ADGRL3: variants seen among roughly 807,000 people sequenced by gnomAD.
The protein encoded by ADGRL3 is calcium-independent alpha-latrotoxin receptor 3.
In ADGRL3, 62 loss-of-function variants were observed where a neutral mutation model predicts 153.5. The observed-to-expected ratio is 0.40, with a 90% CI of 0.33 to 0.50. The LOEUF is 0.50. Ranked by LOEUF, ADGRL3 falls within the 20% of genes least tolerant of loss-of-function variation. The pLI, the probability that ADGRL3 is intolerant of heterozygous loss-of-function variation, is 0.47. For synonymous variants in ADGRL3, 710 were observed against 672.5 expected (o/e 1.06, Z -0.86); for missense variants, 1,641 against 1,859.4 (o/e 0.88, Z 2.16).
intron 5 of ADGRL3, among the ~76,000 whole-genome samples, chr4:61,634,582 G>A (rs1160457661): frequency 6.6e-6 from 1 of 151,964 alleles, no homozygotes; most frequent in Admixed American, 6.6e-5. Flanking sequence ...GCAAGCCCTA[G>A]AACATCAAAA....
Position 61,895,323 on chromosome 4 carries a change from G to A in ADGRL3, c.1784-408G>A, listed in dbSNP as rs923087033. On this transcript the variant is annotated intron_variant, in intron 10 of 26. Coordinates refer to ENST00000683033, the MANE Select transcript of ADGRL3 (RefSeq NM_001387552.1). ...TCTACTAAAAATACACAAATTAGCCGGGTGTGGTGGGGGATGCCTGTAGTC... is the reference window on the plus strand; with the variant it reads ...TCTACTAAAAATACACAAATTAGCCAGGTGTGGTGGGGGATGCCTGTAGTC... Among the ~76,000 whole-genome samples the A allele has an allele frequency of 3.9e-5, 6 of 152,148 alleles. No individual in the cohort carries two copies. The South Asian group carries it at 8.3e-4, about 21-fold the overall frequency.
At chr4:61,237,098 A>G (rs528435740) in intron 1 of ADGRL3, among the ~76,000 whole-genome samples, 1 of 152,122 alleles carries the variant, frequency 6.6e-6, no homozygotes, top group South Asian at 2.1e-4. Flanking sequence ...TTGCAGCAAG[A>G]GTTCACTTAA....
At chr4:61,831,616 T>G (rs545917133) in intron 9 of ADGRL3, among the ~76,000 whole-genome samples, 3 of 152,144 alleles carry the variant, frequency 2.0e-5, no homozygotes, top group African/African-American at 7.2e-5. Context: ...CAGTGGACAC[T>G]AGTCGTCAAT....
chr4:61,446,789 A>G (rs1309448528), intron 2 of ADGRL3, among the ~76,000 whole-genome samples: 1 of 152,178 alleles, frequency 6.6e-6, no homozygotes, highest in Non-Finnish European at 1.5e-5. Flanking sequence ...CATTCCTAGT[A>G]GGTGTTTAAA....
At chr4:61,883,269 C>G (rs908784275) in intron 9 of ADGRL3, among the ~76,000 whole-genome samples, 2 of 152,128 alleles carry the variant, frequency 1.3e-5, no homozygotes, top group Admixed American at 1.3e-4. Flanking sequence ...GTCTGTCTCT[C>G]CTACTAATGT....
intron 9 of ADGRL3, among the ~76,000 whole-genome samples, chr4:61,853,339 G>A (rs1287195733): frequency 6.6e-6 from 1 of 152,196 alleles, no homozygotes; most frequent in Non-Finnish European, 1.5e-5. Context: ...AACCAAGGCT[G>A]AAGAACAAAT....
At chr4:61,701,430 A>ATTTTTTTTTT (rs71664995) in intron 6 of ADGRL3, among the ~76,000 whole-genome samples, 2 of 105,418 alleles carry the variant, frequency 1.9e-5, no homozygotes, top group Non-Finnish European at 3.5e-5. Flanking sequence ...TAAAGGTACA[A>ATTTTTTTTTT]TTTTTTTTTT....
chr4:61,995,426 C>T (rs2151028057), intron 19 of ADGRL3, among the ~76,000 whole-genome samples: 1 of 152,032 alleles, frequency 6.6e-6, no homozygotes, highest in East Asian at 1.9e-4. Context: ...TTAGGATTTC[C>T]ATGTTTATAT....
chr4:61,359,953 G>A (rs1345022937), intron 1 of ADGRL3, among the ~76,000 whole-genome samples: 2 of 136,360 alleles, frequency 1.5e-5, no homozygotes, highest in African/African-American at 2.8e-5. Context: ...TATATATAGT[G>A]GTATGTATAG....
intron 1 of ADGRL3, among the ~76,000 whole-genome samples, chr4:61,278,184 A>C (rs1047178045): frequency 6.6e-6 from 1 of 152,090 alleles, no homozygotes; most frequent in Admixed American, 6.6e-5. Context: ...TTGGCTGCCT[A>C]TAGTTATGTC....
chr4:61,578,021 A>G (rs1162556131), intron 4 of ADGRL3, among the ~76,000 whole-genome samples: 1 of 152,104 alleles, frequency 6.6e-6, no homozygotes, highest in Non-Finnish European at 1.5e-5. Flanking sequence ...AAGCACAATA[A>G]GTTGAATAGA....
At chr4:62,012,230 A>C (rs2099189889) in intron 21 of ADGRL3, among the ~76,000 whole-genome samples, 1 of 152,166 alleles carries the variant, frequency 6.6e-6, no homozygotes, top group Admixed American at 6.5e-5. Context: ...CATACTCAAA[A>C]CGTAGTCATA....
chr4:61,743,375 CAT>C (rs1307505907), intron 8 of ADGRL3, among the ~76,000 whole-genome samples: 1 of 135,548 alleles, frequency 7.4e-6, no homozygotes, highest in Non-Finnish European at 1.6e-5. Flanking sequence ...TGCCAAAAAA[CAT>C]ACAGGAGTAA....
At chr4:61,705,302 T>G (rs1273035103) in intron 6 of ADGRL3, among the ~76,000 whole-genome samples, 1 of 151,994 alleles carries the variant, frequency 6.6e-6, no homozygotes, top group Non-Finnish European at 1.5e-5. Context: ...CATTAATGTT[T>G]TTGTACATTT....
chr4:61,797,987 G>T (rs1389967680), intron 8 of ADGRL3, among the ~76,000 whole-genome samples: 1 of 152,156 alleles, frequency 6.6e-6, no homozygotes, highest in South Asian at 2.1e-4. Context: ...ATATGAAAAG[G>T]CATAGCCTTC....
chr4:61,613,796 A>G (rs1009409094), intron 5 of ADGRL3, among the ~76,000 whole-genome samples: 1 of 152,178 alleles, frequency 6.6e-6, no homozygotes, highest in African/African-American at 2.4e-5. Flanking sequence ...CATTAGTATG[A>G]TGTTAAACAA....
At chr4:61,268,371 T>C (rs1488683825) in intron 1 of ADGRL3, among the ~76,000 whole-genome samples, 2 of 151,654 alleles carry the variant, frequency 1.3e-5, no homozygotes, top group East Asian at 3.9e-4. Context: ...AGATGCAAAA[T>C]GCAAAATTTA....
rs2092671323 is a variant in ADGRL3, at chr4:61,623,725, G to A, written c.473+36285G>A. 3.9e-5 allele frequency among the ~76,000 whole-genome samples: 6 copies of A among 152,184 alleles called. No homozygotes were observed. The South Asian group carries it at 1.2e-3, about 32-fold the overall frequency. On this transcript the variant is annotated intron_variant, in intron 5 of 26. Coordinates refer to ENST00000683033, the MANE Select transcript of ADGRL3 (RefSeq NM_001387552.1). ...CTATAGGGAGTCTCTACTGAGGAAG[G>A]CAAACATTCAGATAATAACCCTAAG...
rs111478613 is a variant in ADGRL3, at chr4:61,628,249, T to C, written c.473+40809T>C. On this transcript the variant is annotated intron_variant, in intron 5 of 26. Coordinates refer to ENST00000683033, the MANE Select transcript of ADGRL3 (RefSeq NM_001387552.1). Reference sequence around the variant, plus strand: ...AACTTGGCCAAAAATTACACATCTATGAAGTGGTGAAGTCTGGAGACAAAT... The same window carrying C: ...AACTTGGCCAAAAATTACACATCTACGAAGTGGTGAAGTCTGGAGACAAAT... Among the ~76,000 whole-genome samples the C allele has an allele frequency of 3.3e-4, 50 of 152,238 alleles. 2 individuals are homozygous for C. Among genetic ancestry groups the C allele is most frequent in the African/African-American group, 1.2e-3 (49 of 41,546 alleles).
Sources: gnomAD v4.1 joint callset for allele counts (sites outside exome capture counted in the v4.1 genomes callset) on GRCh38, gnomAD v4.1.1 for gene constraint, MANE v1.5 for transcripts, NCBI Gene and HGNC (gene_info 2026-07-23, HGNC 2026-07-21) for gene names.